Variants in SLC39A12 observed in about 807,000 individuals in gnomAD.
SLC39A12 encodes solute carrier family 39 member 12.
In SLC39A12, 63 loss-of-function variants were observed where a neutral mutation model predicts 71.1. The ratio of observed to expected loss-of-function variants is 0.89; its 90% CI spans 0.72 to 1.09. The LOEUF is 1.09. SLC39A12 is among the 50% of genes least tolerant of loss of function. The pLI, the probability that SLC39A12 is intolerant of heterozygous loss-of-function variation, is 0.00. For synonymous variants in SLC39A12, 351 were observed against 301.3 expected, an observed-to-expected ratio of 1.16 and a Z score of -1.71; for missense variants, 892 against 812.6, an observed-to-expected ratio of 1.10 and a Z score of -1.19.
intron 4 of SLC39A12, among the ~76,000 whole-genome samples, chr10:17,968,768 T>G (rs575536942): frequency 6.6e-6 from 1 of 152,314 alleles, no homozygotes; most frequent in East Asian, 1.9e-4. Context: ...ATCCATCCCT[T>G]CAAGCATTTA....
At chr10:17,965,062 C>G (rs1266053267) in intron 3 of SLC39A12, among the ~76,000 whole-genome samples, 1 of 152,048 alleles carries the variant, frequency 6.6e-6, no homozygotes, top group Non-Finnish European at 1.5e-5. Context: ...CAAAAATTAG[C>G]CAGGCGTGGT....
At chr10:17,991,492 G>T (rs1464580605) in intron 8 of SLC39A12, among the ~76,000 whole-genome samples, 189 bp downstream of exon 8, 1 of 152,142 alleles carries the variant, frequency 6.6e-6, no homozygotes, top group Non-Finnish European at 1.5e-5. Flanking sequence ...TTCCTGGGCA[G>T]TTAATGTACT....
chr10:18,036,463 C>T (rs745698605), intron 12 of SLC39A12, among the ~76,000 whole-genome samples: 13 of 152,002 alleles, frequency 8.6e-5, no homozygotes, highest in Non-Finnish European at 1.8e-4. Context: ...ACTCCCTGAC[C>T]CCTTGCGCTT....
chr10:18,024,109 G>A (rs571584053), intron 12 of SLC39A12, among the ~76,000 whole-genome samples: 1 of 152,082 alleles, frequency 6.6e-6, no homozygotes, highest in South Asian at 2.1e-4. Flanking sequence ...GTGCCCAGGT[G>A]GAGGTGGGGT....
intron 9 of SLC39A12, 75 bp from the exon 10 acceptor site, chr10:17,995,581 C>A (rs927462671): frequency 1.9e-5 from 26 of 1,368,704 alleles, no homozygotes; most frequent in African/African-American, 2.9e-5. Context: ...CCATGTAACT[C>A]TCCAGATGTT....
chr10:18,036,773 TATATATATATATA>T (rs1837047042), intron 12 of SLC39A12, among the ~76,000 whole-genome samples: 11 of 24,140 alleles, frequency 4.6e-4, no homozygotes, highest in African/African-American at 1.9e-3. Flanking sequence ...TATATATATA[TATATATATATATA>T]TATATATATT....
intron 9 of SLC39A12, among the ~76,000 whole-genome samples, chr10:17,994,622 A>G (rs1378879839): frequency 3.3e-5 from 5 of 152,198 alleles, no homozygotes; most frequent in Non-Finnish European, 7.3e-5. Flanking sequence ...AAGGGATCAC[A>G]ATGTTTTTTG....
chr10:17,962,360 T>G (rs1335459427), intron 3 of SLC39A12, among the ~76,000 whole-genome samples: 1 of 152,242 alleles, frequency 6.6e-6, no homozygotes. Flanking sequence ...CTTTGTGGTT[T>G]TGAATTGTGC....
intron 4 of SLC39A12, among the ~76,000 whole-genome samples, chr10:17,975,209 C>T (rs1282063382): frequency 3.9e-5 from 6 of 151,962 alleles, no homozygotes; most frequent in Non-Finnish European, 8.8e-5. Flanking sequence ...ATCCAAGGGC[C>T]AAGTCCTGGA....
chr10:17,970,444 T>A (rs904434384), intron 4 of SLC39A12, among the ~76,000 whole-genome samples: 2 of 152,226 alleles, frequency 1.3e-5, no homozygotes, highest in Admixed American at 6.5e-5. Flanking sequence ...ATTTTCTTGG[T>A]GTCTTCTTCA....
At chr10:18,023,716 T>A (rs184346523) in intron 12 of SLC39A12, among the ~76,000 whole-genome samples, 6 of 152,308 alleles carry the variant, frequency 3.9e-5, no homozygotes, top group African/African-American at 1.2e-4. Flanking sequence ...TTATTCTCTT[T>A]CCAGCCCAAG....
intron 5 of SLC39A12, among the ~76,000 whole-genome samples, chr10:17,979,876 G>T (rs1226668252): frequency 6.6e-6 from 1 of 152,182 alleles, no homozygotes; most frequent in African/African-American, 2.4e-5. Flanking sequence ...ACTTATAGAT[G>T]CAGCATTCTT....
At chr10:17,953,591 G>A (rs1216897205) in intron 2 of SLC39A12, 54 bp downstream of exon 2, 1 of 1,571,270 alleles carries the variant, frequency 6.4e-7, no homozygotes, top group Non-Finnish European at 8.6e-7. Context: ...AGAAAGCAAT[G>A]GATTCTATAG....
At chr10:18,035,584 T>C (rs1836980228) in intron 12 of SLC39A12, among the ~76,000 whole-genome samples, 2 of 152,132 alleles carry the variant, frequency 1.3e-5, no homozygotes, top group African/African-American at 4.8e-5. Flanking sequence ...TTCTTTGCCT[T>C]TGCTTTGAAT....
chr10:17,966,111 A>G (rs1208718551), intron 4 of SLC39A12, among the ~76,000 whole-genome samples: 4 of 152,234 alleles, frequency 2.6e-5, no homozygotes, highest in Non-Finnish European at 5.9e-5. Context: ...TTTAATTTCA[A>G]ATAGAAGTAA....
intron 3 of SLC39A12, among the ~76,000 whole-genome samples, chr10:17,965,273 A>G (rs757368240): frequency 9.2e-5 from 14 of 152,182 alleles, no homozygotes; most frequent in Non-Finnish European, 2.1e-4. Flanking sequence ...GATGAGGGTT[A>G]GAAAATTCAG....
intron 6 of SLC39A12, among the ~76,000 whole-genome samples, chr10:17,983,752 A>G (rs541945677): frequency 3.9e-5 from 6 of 152,202 alleles, no homozygotes; most frequent in Non-Finnish European, 5.9e-5. Context: ...ATTGCACTCC[A>G]GCCTGGGCGA....
chr10:17,978,924 A>G (rs1198124419), intron 5 of SLC39A12, among the ~76,000 whole-genome samples: 1 of 152,162 alleles, frequency 6.6e-6, no homozygotes, highest in African/African-American at 2.4e-5. Context: ...AACTTGTTGG[A>G]AATGTACATC....
At position 18,003,268 on chromosome 10, in the gene SLC39A12, T is replaced by C; in HGVS notation, c.1857T>C (p.Ile619=). Residue 619 remains isoleucine (I), a synonymous_variant, in exon 12 of 13, where the codon ATT becomes ATC. Transcript: ENST00000377369. ...TAACTGCCTTCATGGGATTATACAT[T>C]GGCCTTTCCGTGTCAGCTGATCCAT... ...SSLTAFMGLY[I]GLSVSADPCV... 1 of 1,614,154 alleles carries C rather than the reference T, an allele frequency of 6.2e-7. No homozygotes were observed.
Sources: gnomAD v4.1 joint callset for allele counts (sites outside exome capture counted in the v4.1 genomes callset) on GRCh38, gnomAD v4.1.1 for gene constraint, MANE v1.5 for transcripts, NCBI Gene and HGNC (gene_info 2026-07-23, HGNC 2026-07-21) for gene names.